Variants in B3GALT1 observed in about 807,000 individuals in gnomAD.
B3GALT1 encodes beta-1,3-galactosyltransferase 1.
In B3GALT1, 10 loss-of-function variants were observed where a neutral mutation model predicts 23.2. The observed-to-expected ratio is 0.43, with a 90% CI of 0.27 to 0.73. The LOEUF is 0.73. B3GALT1 is among the 30% of genes least tolerant of loss of function. The pLI, the probability that B3GALT1 is intolerant of heterozygous loss-of-function variation, is 0.21. For missense variants in B3GALT1, 299 were observed against 405.4 expected (o/e 0.74, Z 2.25); for synonymous variants, 156 against 141.5 (o/e 1.10, Z -0.73).
At chr2:167,546,096 G>C (rs978117087) in intron 2 of B3GALT1, among the ~76,000 whole-genome samples, 1 of 152,152 alleles carries the variant, frequency 6.6e-6, no homozygotes, top group Non-Finnish European at 1.5e-5. Context: ...GGAGCATTTT[G>C]AATTTTGGAG....
At chr2:167,608,357 A>C (rs1033479382) in intron 2 of B3GALT1, among the ~76,000 whole-genome samples, 1 of 152,164 alleles carries the variant, frequency 6.6e-6, no homozygotes, top group Non-Finnish European at 1.5e-5. Flanking sequence ...TATTTGGCGT[A>C]TAGCATAACT....
chr2:167,736,094 T>TGG (rs1687487742), intron 3 of B3GALT1, among the ~76,000 whole-genome samples: 2 of 152,346 alleles, frequency 1.3e-5, no homozygotes, highest in Middle Eastern at 3.4e-3. Context: ...GTCACAGAGC[T>TGG]AGTGGGTAGA....
intron 2 of B3GALT1, among the ~76,000 whole-genome samples, chr2:167,556,141 A>ACAGG (rs1375579137): frequency 3.3e-5 from 5 of 152,142 alleles, no homozygotes; most frequent in African/African-American, 1.2e-4. Flanking sequence ...AATCAGAAGG[A>ACAGG]CAGGTAATGA....
rs1028819375 is a variant in B3GALT1 at position 167,819,657 on chromosome 2, C to A, written c.-230+864C>A. The stretch of plus-strand genomic sequence containing the variant: ...TTGTCCATGAAATTGACAGTTATTT[C>A]AGAGTGTCTTCAAAATGCCAAGCAG... On this transcript the variant is annotated intron_variant, in intron 4 of 4. Transcript: ENST00000392690. Among the ~76,000 whole-genome samples the A allele has an allele frequency of 3.3e-5, 5 of 152,122 alleles. 1 individual carries two copies. In the South Asian group the frequency reaches 8.3e-4, roughly 25 times the overall value.
At chr2:167,507,695 A>C (rs936575680) in intron 2 of B3GALT1, among the ~76,000 whole-genome samples, 1 of 152,104 alleles carries the variant, frequency 6.6e-6, no homozygotes, top group Non-Finnish European at 1.5e-5. Flanking sequence ...TGAAGGGATC[A>C]TGAAACTATG....
At chr2:167,370,016 G>T (rs1697657133) in intron 1 of B3GALT1, among the ~76,000 whole-genome samples, 1 of 152,018 alleles carries the variant, frequency 6.6e-6, no homozygotes, top group African/African-American at 2.4e-5. Context: ...CTGTATATTT[G>T]TTTGTTTGTT....
At chr2:167,711,235 C>T (rs1687043027) in intron 3 of B3GALT1, among the ~76,000 whole-genome samples, 1 of 152,172 alleles carries the variant, frequency 6.6e-6, no homozygotes, top group East Asian at 1.9e-4. Flanking sequence ...GATGCATTCC[C>T]TGATCCAATC....
At chr2:167,550,509 T>A (rs1683726688) in intron 2 of B3GALT1, among the ~76,000 whole-genome samples, 1 of 152,190 alleles carries the variant, frequency 6.6e-6, no homozygotes, top group African/African-American at 2.4e-5. Flanking sequence ...TGCATGATGA[T>A]CTCTAAAATT....
At chr2:167,848,897 T>G (rs193075768) in intron 4 of B3GALT1, among the ~76,000 whole-genome samples, 82 of 151,368 alleles carry the variant, frequency 5.4e-4, no homozygotes, top group African/African-American at 2.0e-3. Flanking sequence ...TCAGCAAAGA[T>G]TCTGGATACA....
chr2:167,820,596 T>C (rs1689083994), intron 4 of B3GALT1, among the ~76,000 whole-genome samples: 2 of 152,164 alleles, frequency 1.3e-5, no homozygotes, highest in Non-Finnish European at 2.9e-5. Flanking sequence ...AGAGTGCCCC[T>C]CTCCGTCCCC....
chr2:167,463,026 T>C (rs977214240), intron 1 of B3GALT1, among the ~76,000 whole-genome samples: 25 of 152,194 alleles, frequency 1.6e-4, no homozygotes, highest in African/African-American at 5.8e-4. Context: ...ATTTGGTTTC[T>C]ACTTCAGCTT....
intron 3 of B3GALT1, among the ~76,000 whole-genome samples, chr2:167,684,296 C>T (rs910136372): frequency 2.6e-5 from 4 of 152,206 alleles, no homozygotes; most frequent in Non-Finnish European, 4.4e-5. Context: ...TGAATATAGT[C>T]ACAGCCTACA....
chr2:167,353,419 G>A (rs966237573), intron 1 of B3GALT1, among the ~76,000 whole-genome samples: 5 of 151,930 alleles, frequency 3.3e-5, no homozygotes, highest in African/African-American at 1.2e-4. Flanking sequence ...GCCAGAAGTT[G>A]AACCTTAGTG....
At position 167,870,097 on chromosome 2, in the gene B3GALT1, C is replaced by T. The variant is rs1559010298; in HGVS notation, c.*77C>T. 3 of 1,420,824 alleles carry T rather than the reference C, an allele frequency of 2.1e-6. No individual in the cohort carries two copies. Among genetic ancestry groups the T allele is most frequent in the South Asian group, 1.5e-5 (1 of 64,684 alleles). The allele number at this position is 1,420,824 out of a possible 1,614,324, so 88.0% of individuals were successfully genotyped here. A position where few individuals can be genotyped will look rare whatever the true frequency, so the allele number is the denominator to read the frequency against. On this transcript the variant is annotated 3_prime_UTR_variant, in exon 5 of 5. Coordinates refer to ENST00000392690, the MANE Select transcript of B3GALT1 (RefSeq NM_020981.4). The stretch of plus-strand genomic sequence containing the variant: ...TAAGGTGTTGGTATTTTCCAGGTGT[C>T]GGGGGAAATGAACTGGTGAAGGGGT...
At chr2:167,592,534 A>G (rs1051132523) in intron 2 of B3GALT1, among the ~76,000 whole-genome samples, 6 of 152,204 alleles carry the variant, frequency 3.9e-5, no homozygotes, top group African/African-American at 9.7e-5. Flanking sequence ...AGCTCTTTCA[A>G]TTGTTTAATG....
chr2:167,359,152 T>A (rs1697461376), intron 1 of B3GALT1, among the ~76,000 whole-genome samples: 1 of 152,192 alleles, frequency 6.6e-6, no homozygotes, highest in African/African-American at 2.4e-5. Flanking sequence ...TTAATCCATA[T>A]TTTACATGAA....
chr2:167,670,079 G>A (rs1686296785), intron 3 of B3GALT1, among the ~76,000 whole-genome samples: 1 of 152,132 alleles, frequency 6.6e-6, no homozygotes, highest in Non-Finnish European at 1.5e-5. Flanking sequence ...CATGCTTTCA[G>A]TACTCTGCAT....
chr2:167,319,183 C>G (rs560693012), intron 1 of B3GALT1, among the ~76,000 whole-genome samples: 1 of 152,190 alleles, frequency 6.6e-6, no homozygotes, highest in African/African-American at 2.4e-5. Context: ...CTGTTTGGAG[C>G]ACATTAACAG....
intron 1 of B3GALT1, among the ~76,000 whole-genome samples, chr2:167,396,925 A>C (rs1047671067): frequency 5.9e-5 from 9 of 152,154 alleles, no homozygotes; most frequent in Non-Finnish European, 1.3e-4. Context: ...CAAAGTTCTC[A>C]ACAGCATCCT....
Sources: gnomAD v4.1 joint callset for allele counts (sites outside exome capture counted in the v4.1 genomes callset) on GRCh38, gnomAD v4.1.1 for gene constraint, MANE v1.5 for transcripts, NCBI Gene and HGNC (gene_info 2026-07-23, HGNC 2026-07-21) for gene names.